The following PCDHGA5 variants were observed in gnomAD, a reference collection of about 807,000 sequenced individuals.
The protein encoded by PCDHGA5 is protocadherin gamma subfamily A, 5.
PCDHGA5 carries 36 observed loss-of-function variants against 56.7 expected under a neutral mutation model. The observed-to-expected ratio is 0.64, with a 90% CI of 0.49 to 0.84. PCDHGA5 has a LOEUF of 0.84. Among genes scored for constraint, PCDHGA5 ranks in the 40% least tolerant of loss-of-function variants. PCDHGA5 has a pLI of 0.00. For synonymous variants in PCDHGA5, 563 were observed against 520.2 expected, an observed-to-expected ratio of 1.08 and a Z score of -1.12; for missense variants, 1,305 against 1,201.5, an observed-to-expected ratio of 1.09 and a Z score of -1.27.
rs759742074 is a variant in PCDHGA5 at position 141,403,012 on chromosome 5, G to T, written c.2421+36261G>T. On this transcript the variant is annotated intron_variant, in intron 1 of 3. Transcript: ENST00000518069. ...GATTAGTCCTGCTATGCTCGCTCCT[G>T]GGGATGCTATGGGAGGCCAGGGCCA... 8.1e-6 allele frequency: 13 copies of T among 1,614,072 alleles called. 1 individual carries two copies. The South Asian group carries it at 1.4e-4, about 18-fold the overall frequency.
chr5:141,364,195 A>G lies in PCDHGA5; in HGVS notation c.-136A>G. On this transcript the variant is annotated 5_prime_UTR_variant, in exon 1 of 4. Transcript: ENST00000518069. Reference sequence around the variant, plus strand: ...TCTGCTCCCTCCATACTAAACACACAGACCAGACAAGCTCCTACGAAAAGC... The same window carrying G: ...TCTGCTCCCTCCATACTAAACACACGGACCAGACAAGCTCCTACGAAAAGC... 1 of 1,073,724 alleles carries G rather than the reference A, an allele frequency of 9.3e-7. No individual in the cohort carries two copies. The highest frequency in any genetic ancestry group is 2.8e-5 in the East Asian group (1 of 36,158). 66.5% of individuals were successfully genotyped at this position (1,073,724 alleles called of 1,614,324 possible).
intron 1 of PCDHGA5, chr5:141,421,995 C>G (rs750731453): frequency 6.2e-7 from 1 of 1,608,844 alleles, no homozygotes; most frequent in South Asian, 1.1e-5. Context: ...CAGAAAACAT[C>G]AGCTCCGGAA....
intron 1 of PCDHGA5, among the ~76,000 whole-genome samples, chr5:141,434,451 A>C (rs145324240): frequency 6.6e-6 from 1 of 152,210 alleles, no homozygotes; most frequent in Non-Finnish European, 1.5e-5. Context: ...GCTGGAAGGT[A>C]GTGGGTTTAC....
intron 1 of PCDHGA5, chr5:141,412,667 AC>A (rs1385712050): frequency 6.6e-6 from 1 of 152,284 alleles, no homozygotes; most frequent in Non-Finnish European, 1.5e-5. Flanking sequence ...CACTAATATG[AC>A]CTAAAATAAG....
chr5:141,403,040 C>CA (rs1195249780), intron 1 of PCDHGA5: 1 of 1,613,950 alleles, frequency 6.2e-7, no homozygotes, highest in Non-Finnish European at 8.5e-7. Flanking sequence ...CAGGGCCAGT[C>CA]AGATTCGCTA....
intron 1 of PCDHGA5, chr5:141,417,840 A>G (rs2096168680): frequency 2.0e-6 from 3 of 1,536,422 alleles, no homozygotes; most frequent in African/African-American, 2.8e-5. Context: ...GCGGGGACCC[A>G]GCGAGAACCC....
chr5:141,474,291 AGT>A (rs1191263215), intron 1 of PCDHGA5, among the ~76,000 whole-genome samples: 1 of 152,210 alleles, frequency 6.6e-6, no homozygotes, highest in Admixed American at 6.5e-5. Flanking sequence ...CCACTAGATC[AGT>A]GCTTGTCAAA....
At chr5:141,428,455 T>C (rs898393760) in intron 1 of PCDHGA5, 61 of 361,572 alleles carry the variant, frequency 1.7e-4, no homozygotes, top group African/African-American at 1.2e-3. Context: ...TTTTCCCAAC[T>C]ACAATGAGGG....
At chr5:141,464,024 G>A (rs2099074308) in intron 1 of PCDHGA5, among the ~76,000 whole-genome samples, 1 of 151,996 alleles carries the variant, frequency 6.6e-6, no homozygotes, top group East Asian at 1.9e-4. Context: ...CCACACTTTG[G>A]GAGGCCAAGG....
intron 1 of PCDHGA5, chr5:141,400,651 C>G (rs2094056317): frequency 8.6e-7 from 1 of 1,166,874 alleles, no homozygotes; most frequent in African/African-American, 1.5e-5. Flanking sequence ...GAAAGCTGTC[C>G]TACCATTCTT....
intron 1 of PCDHGA5, chr5:141,372,333 C>G: frequency 6.2e-7 from 1 of 1,613,732 alleles, no homozygotes; most frequent in Non-Finnish European, 8.5e-7. Context: ...GGTCACTGTG[C>G]GTGATGGAGG....
chr5:141,419,304 G>T, intron 1 of PCDHGA5: 1 of 1,613,994 alleles, frequency 6.2e-7, no homozygotes, highest in Non-Finnish European at 8.5e-7. Context: ...CCAGACTTCG[G>T]GCTCAACGGC....
rs1561964279 is a variant in PCDHGA5 at position 141,456,201 on chromosome 5, A to G, written c.2422-38606A>G. 2.0e-5 allele frequency among the ~76,000 whole-genome samples: 3 copies of G among 152,228 alleles called. No homozygotes were observed. The South Asian group carries it at 6.2e-4, about 32-fold the overall frequency. On this transcript the variant is annotated intron_variant, in intron 1 of 3. Coordinates refer to ENST00000518069, the MANE Select transcript of PCDHGA5 (RefSeq NM_018918.3). ...ATAATTTCTTAATAACTCCTACCAC[A>G]TTCCTCCCTGTGGCGATATCAAACT...
intron 1 of PCDHGA5, chr5:141,387,998 C>T: frequency 6.7e-7 from 1 of 1,485,204 alleles, no homozygotes; most frequent in South Asian, 1.3e-5. Flanking sequence ...ACAGGATTCC[C>T]GAGGAAATGC....
chr5:141,384,337 G>A (rs370533196), intron 1 of PCDHGA5: 1 of 1,613,832 alleles, frequency 6.2e-7, no homozygotes, highest in Non-Finnish European at 8.5e-7. Flanking sequence ...ACAGGACCAC[G>A]ACAGTGAGGA....
At chr5:141,481,357 G>A (rs1399668487) in intron 1 of PCDHGA5, among the ~76,000 whole-genome samples, 1 of 152,176 alleles carries the variant, frequency 6.6e-6, no homozygotes, top group Non-Finnish European at 1.5e-5. Context: ...ATCTACAGCT[G>A]TTCAATAGAT....
chr5:141,376,266 C>T (rs200515281), intron 1 of PCDHGA5: 171 of 1,614,088 alleles, frequency 1.1e-4, no homozygotes, highest in Non-Finnish European at 1.3e-4. Context: ...CTGCAGGCTT[C>T]GGGAGGTGGC....
chr5:141,501,290 T>TACACATACACAC (rs1224133816), intron 2 of PCDHGA5, among the ~76,000 whole-genome samples: 9 of 136,158 alleles, frequency 6.6e-5, no homozygotes, highest in Admixed American at 1.6e-4. Context: ...TATTCCCTTA[T>TACACATACACAC]ACACACACAC....
intron 2 of PCDHGA5, among the ~76,000 whole-genome samples, chr5:141,501,526 G>A (rs2099809738): frequency 6.6e-6 from 1 of 151,962 alleles, no homozygotes; most frequent in Non-Finnish European, 1.5e-5. Context: ...CTGAAGCCCA[G>A]TACGTTGTTG....
Sources: allele counts gnomAD v4.1 joint callset (sites outside exome capture counted in the v4.1 genomes callset), GRCh38; gene constraint gnomAD v4.1.1; transcripts MANE v1.5; gene names NCBI Gene and HGNC (gene_info 2026-07-23, HGNC 2026-07-21).